The following MEGF6 variants were observed in gnomAD, a reference collection of about 807,000 sequenced individuals.
MEGF6 encodes the protein multiple EGF like domains 6.
Under a neutral mutation model 207.1 loss-of-function variants are expected in MEGF6, and 184 were observed. That is an observed-to-expected ratio of 0.89 (90% CI 0.79 to 1.00). MEGF6 has a LOEUF of 1.00. MEGF6 is among the 50% of genes least tolerant of loss of function. The pLI is 0.00. For synonymous variants in MEGF6, 1,038 were observed against 910.0 expected (o/e 1.14, Z -2.53); for missense variants, 2,282 against 2,202.9 (o/e 1.04, Z -0.72).
intron 4 of MEGF6, among the ~76,000 whole-genome samples, chr1:3,571,406 A>T (rs1643489378): frequency 6.6e-6 from 1 of 151,472 alleles, no homozygotes; most frequent in South Asian, 2.1e-4. Context: ...GCCTGCCCCA[A>T]AGGCCAGAGA....
At chr1:3,516,739 T>G (rs2101101815) in intron 5 of MEGF6, among the ~76,000 whole-genome samples, 1 of 152,240 alleles carries the variant, frequency 6.6e-6, no homozygotes, top group African/African-American at 2.4e-5. Flanking sequence ...CAAAGCCCCC[T>G]CAGAGCAAGC....
chr1:3,505,580 G>T (rs2105305), intron 15 of MEGF6, 24 bp from the exon 16 acceptor site: 41 of 1,537,344 alleles, frequency 2.7e-5, no homozygotes, highest in Non-Finnish European at 3.4e-5. Flanking sequence ...ACCGTTGAGG[G>T]GGGCTCCCGT....
chr1:3,612,496 G>T (rs1644341252), upstream of MEGF6, among the ~76,000 whole-genome samples: 1 of 152,218 alleles, frequency 6.6e-6, no homozygotes, highest in South Asian at 2.1e-4. Flanking sequence ...CAGACACTCA[G>T]GAGAGTCTCT....
rs1439652657 is a variant in MEGF6, at chr1:3,594,805, C to T, written c.376+533G>A. Among the ~76,000 whole-genome samples, 1 of 152,232 alleles carries T rather than the reference C, an allele frequency of 6.6e-6. No individual in the cohort carries two copies. Among genetic ancestry groups the T allele is most frequent in the African/African-American group, 2.4e-5 (1 of 41,452 alleles). On this transcript the variant is annotated intron_variant, in intron 3 of 36. Coordinates refer to ENST00000356575, the MANE Select transcript of MEGF6 (RefSeq NM_001409.4). The surrounding 1 kb of genome is among the most constrained non-coding windows in gnomAD (Gnocchi z 4.2). ...CCAGCACATCAGCACCTGCCCGGGTCAGGTCGTATGCAGCACGGGCCTCTC... is the reference window on the plus strand; with the variant it reads ...CCAGCACATCAGCACCTGCCCGGGTTAGGTCGTATGCAGCACGGGCCTCTC...
chr1:3,546,265 G>GCTGCCAGC (rs1642701292), intron 4 of MEGF6, among the ~76,000 whole-genome samples: 1 of 152,342 alleles, frequency 6.6e-6, no homozygotes, highest in East Asian at 1.9e-4. Flanking sequence ...CCTTGACTTT[G>GCTGCCAGC]CTGCCAGCCT....
chr1:3,500,780 G>T lies in MEGF6; in HGVS notation c.2576-16C>A. 6.2e-7 allele frequency: 1 copy of T among 1,603,900 alleles called. No individual in the cohort carries two copies. The highest frequency in any genetic ancestry group is 1.1e-5 in the South Asian group (1 of 90,188). The stretch of plus-strand genomic sequence containing the variant: ...GTATCACAGGCTGCAACAGAACTCA[G>T]GGTCACCCGGCGCAGGCCCAAGCGC... On this transcript the variant is annotated splice_polypyrimidine_tract_variant and intron_variant, in intron 20 of 36. Transcript: ENST00000356575.
intron 16 of MEGF6, 23 bp downstream of exon 16, chr1:3,505,399 C>CGG (rs1553192365): frequency 1.3e-6 from 2 of 1,585,894 alleles, no homozygotes; most frequent in Non-Finnish European, 8.6e-7. Flanking sequence ...CCCCCCGCCC[C>CGG]CAGACCCCAT....
At chr1:3,542,611 G>A (rs1642565893) in intron 4 of MEGF6, among the ~76,000 whole-genome samples, 1 of 152,242 alleles carries the variant, frequency 6.6e-6, no homozygotes, top group Non-Finnish European at 1.5e-5. Flanking sequence ...TCTCCTCTCT[G>A]TCCGGGGTTT....
In MEGF6 at chr1:3,498,756, G is replaced by A; in HGVS notation, c.3165C>T (p.Asp1055=). ...GGCACGCACAGTGGCCTGAGACAGG[G>A]TCACAGGTCCCTCCGTTCTGGCAGA... The part of the protein sequence containing the change: ...SCLCQNGGTC[D]PVSGHCACPE... Residue 1055 remains aspartate, a synonymous_variant, in exon 25 of 37, where the codon GAC becomes GAT. Coordinates refer to ENST00000356575, the MANE Select transcript of MEGF6 (RefSeq NM_001409.4). 2 of 1,561,556 alleles carry A rather than the reference G, an allele frequency of 1.3e-6. No homozygotes were observed. Among genetic ancestry groups the A allele is most frequent in the African/African-American group, 1.4e-5 (1 of 73,806 alleles).
intron 25 of MEGF6, 90 bp from the exon 26 acceptor site, chr1:3,498,589 G>A: frequency 6.7e-7 from 1 of 1,485,858 alleles, no homozygotes; most frequent in Non-Finnish European, 9.0e-7. Flanking sequence ...CAGAGCTGAA[G>A]CCTACACCCC....
rs1487844657 is a variant in MEGF6, at chr1:3,556,479, G to C, written c.481+23346C>G. Among the ~76,000 whole-genome samples, 1 of 152,202 alleles carries C rather than the reference G, an allele frequency of 6.6e-6. No homozygotes were observed. Among genetic ancestry groups the C allele is most frequent in the Non-Finnish European group, 1.5e-5 (1 of 68,048 alleles). On this transcript the variant is annotated intron_variant, in intron 4 of 36. Transcript: ENST00000356575. The surrounding 1 kb of genome is among the most constrained non-coding windows in gnomAD (Gnocchi z 4.4). Reference sequence around the variant, plus strand: ...GGTAGGAGAAACCTCGGCAAAGCAAGAGACGCCCTGGGCCTCCTCTCGGCC... The same window carrying C: ...GGTAGGAGAAACCTCGGCAAAGCAACAGACGCCCTGGGCCTCCTCTCGGCC...
At chr1:3,527,792 C>T (rs1055582273) in intron 4 of MEGF6, among the ~76,000 whole-genome samples, 3 of 152,178 alleles carry the variant, frequency 2.0e-5, no homozygotes, top group Non-Finnish European at 4.4e-5. Context: ...CCAAGACCCC[C>T]GAGAGGGTCT....
intron 4 of MEGF6, among the ~76,000 whole-genome samples, chr1:3,559,661 C>T (rs911580316): frequency 3.3e-5 from 5 of 151,798 alleles, no homozygotes; most frequent in East Asian, 1.9e-4. Flanking sequence ...CCATCCTCTG[C>T]GGAAGACACA....
chr1:3,580,936 A>G (rs540589250), intron 3 of MEGF6, among the ~76,000 whole-genome samples: 2 of 151,970 alleles, frequency 1.3e-5, no homozygotes, highest in Non-Finnish European at 2.9e-5. Context: ...AGCTCTAGAC[A>G]AGGGGGCCCT....
chr1:3,603,680 C>T (rs569224573), intron 1 of MEGF6, among the ~76,000 whole-genome samples: 1 of 151,894 alleles, frequency 6.6e-6, no homozygotes, highest in African/African-American at 2.4e-5. Flanking sequence ...CCCCAGCCTC[C>T]TCATCAGAGG....
intron 2 of MEGF6, among the ~76,000 whole-genome samples, chr1:3,597,313 G>A (rs370033048): frequency 4.1e-4 from 63 of 152,026 alleles, no homozygotes; most frequent in African/African-American, 1.5e-3. Flanking sequence ...GTCCTTCCTC[G>A]GGAAGCCGCC....
intron 4 of MEGF6, among the ~76,000 whole-genome samples, chr1:3,567,011 C>T (rs996269301): frequency 3.3e-5 from 5 of 152,240 alleles, no homozygotes; most frequent in African/African-American, 1.2e-4. Context: ...GCCGTCCTGG[C>T]CAGGTGTAGC....
chr1:3,493,056 C>T, intron 34 of MEGF6: 1 of 462,214 alleles, frequency 2.2e-6, no homozygotes. Flanking sequence ...CCCAGGAGGG[C>T]AAACAGGAGC....
chr1:3,491,776 G>GC (rs888537993), intron 35 of MEGF6, among the ~76,000 whole-genome samples: 1 of 78,302 alleles, frequency 1.3e-5, no homozygotes, highest in African/African-American at 1.8e-4. Flanking sequence ...GTGCGGGGGT[G>GC]GGGGGGGGGG....
Sources: allele counts gnomAD v4.1 joint callset (sites outside exome capture counted in the v4.1 genomes callset), GRCh38; gene constraint gnomAD v4.1.1; non-coding constraint Gnocchi (gnomAD v3.1); transcripts MANE v1.5; gene names NCBI Gene and HGNC (gene_info 2026-07-23, HGNC 2026-07-21).